Variants in ADAMTS12 observed in about 807,000 individuals in gnomAD.
ADAMTS12 encodes ADAM metallopeptidase with thrombospondin type 1 motif 12.
In ADAMTS12, 118 loss-of-function variants were observed where a neutral mutation model predicts 167.8. The observed-to-expected ratio is 0.70, with a 90% CI of 0.61 to 0.82. ADAMTS12 has a LOEUF of 0.82. Ranked by LOEUF, ADAMTS12 falls within the 40% of genes least tolerant of loss-of-function variation. ADAMTS12 has a pLI of 0.00. For synonymous variants in ADAMTS12, 704 were observed against 716.9 expected (o/e 0.98, Z 0.29); for missense variants, 1,916 against 1,998.8 (o/e 0.96, Z 0.79).
At chr5:33,614,003 A>C (rs1228115981) in intron 16 of ADAMTS12, among the ~76,000 whole-genome samples, 2 of 152,166 alleles carry the variant, frequency 1.3e-5, no homozygotes, top group African/African-American at 2.4e-5. Context: ...TTTACTGAAA[A>C]CTTTTATCAA....
rs562979029 is a variant in ADAMTS12 at position 33,824,571 on chromosome 5, C to T, written c.489+56548G>A. On this transcript the variant is annotated intron_variant, in intron 2 of 23. Transcript: ENST00000504830. ...CTCTAAGTCACTGTCTTCATCCAGA[C>T]CAGGAGTGTAAAGCAAAAAAGAGAG... Among the ~76,000 whole-genome samples the T allele has an allele frequency of 2.6e-5, 4 of 152,212 alleles. No homozygotes were observed. The South Asian group carries it at 8.3e-4, about 32-fold the overall frequency.
At chr5:33,558,416 T>C (rs1745581263) in intron 20 of ADAMTS12, among the ~76,000 whole-genome samples, 1 of 152,190 alleles carries the variant, frequency 6.6e-6, no homozygotes, top group East Asian at 1.9e-4. Context: ...TCATTCTAGC[T>C]GAATTTGATG....
At chr5:33,788,934 C>T (rs951638529) in intron 2 of ADAMTS12, among the ~76,000 whole-genome samples, 10 of 152,314 alleles carry the variant, frequency 6.6e-5, no homozygotes, top group African/African-American at 2.4e-4. Flanking sequence ...AATTTTTCCA[C>T]AGTGCTCAGC....
chr5:33,848,317 C>T (rs1749023910), intron 2 of ADAMTS12, among the ~76,000 whole-genome samples: 1 of 151,946 alleles, frequency 6.6e-6, no homozygotes, highest in Non-Finnish European at 1.5e-5. Flanking sequence ...GAATCCAGAA[C>T]CTGAAGTGCC....
chr5:33,821,187 T>A (rs1236198990), intron 2 of ADAMTS12, among the ~76,000 whole-genome samples: 1 of 152,218 alleles, frequency 6.6e-6, no homozygotes, highest in Non-Finnish European at 1.5e-5. Context: ...TGACCATTAA[T>A]GACATTCTTA....
intron 2 of ADAMTS12, among the ~76,000 whole-genome samples, chr5:33,796,426 T>G (rs1180986690): frequency 1.3e-5 from 2 of 152,244 alleles, no homozygotes; most frequent in Admixed American, 6.5e-5. Context: ...ACACATTTAT[T>G]TCTTCATACA....
At chr5:33,652,214 AG>A (rs1740888498) in intron 7 of ADAMTS12, among the ~76,000 whole-genome samples, 1 of 152,164 alleles carries the variant, frequency 6.6e-6, no homozygotes, top group African/African-American at 2.4e-5. Context: ...TGTTTCCCAT[AG>A]AGTTTGTGCT....
intron 2 of ADAMTS12, among the ~76,000 whole-genome samples, chr5:33,804,406 A>T (rs1166984330): frequency 6.6e-6 from 1 of 152,214 alleles, no homozygotes; most frequent in Non-Finnish European, 1.5e-5. Flanking sequence ...CAGAAGGAAC[A>T]TACAGAGAGC....
intron 2 of ADAMTS12, among the ~76,000 whole-genome samples, chr5:33,861,744 T>C (rs1348380982): frequency 2.6e-5 from 4 of 152,058 alleles, no homozygotes; most frequent in African/African-American, 9.7e-5. Context: ...AGCACCATAT[T>C]GCACTTATTC....
chr5:33,891,366 T>TA (rs371359345), intron 1 of ADAMTS12, among the ~76,000 whole-genome samples: 12 of 148,560 alleles, frequency 8.1e-5, no homozygotes, highest in South Asian at 6.7e-4. Context: ...AGTTAGCACT[T>TA]AAAAAAAAAA....
At chr5:33,878,310 C>G (rs1036954624) in intron 2 of ADAMTS12, among the ~76,000 whole-genome samples, 1 of 152,082 alleles carries the variant, frequency 6.6e-6, no homozygotes, top group African/African-American at 2.4e-5. Context: ...CATTAAACAT[C>G]CAATTTTGTG....
chr5:33,831,741 C>CT, intron 2 of ADAMTS12, among the ~76,000 whole-genome samples: 1 of 152,112 alleles, frequency 6.6e-6, no homozygotes, highest in Non-Finnish European at 1.5e-5. Context: ...ATTCTGGCTG[C>CT]TTTTTTATGA....
intron 18 of ADAMTS12, among the ~76,000 whole-genome samples, chr5:33,577,403 G>T (rs1742755475): frequency 1.3e-5 from 2 of 152,224 alleles, no homozygotes; most frequent in African/African-American, 4.8e-5. Flanking sequence ...CCATGATGTA[G>T]TCAAACTGCA....
chr5:33,878,603 A>G (rs1750314435), intron 2 of ADAMTS12, among the ~76,000 whole-genome samples: 1 of 152,222 alleles, frequency 6.6e-6, no homozygotes, highest in African/African-American at 2.4e-5. Context: ...AGCAATTTAC[A>G]GCAGTGGTTG....
At chr5:33,548,755 G>A (rs1745106151) in intron 21 of ADAMTS12, among the ~76,000 whole-genome samples, 1 of 151,856 alleles carries the variant, frequency 6.6e-6, no homozygotes, top group South Asian at 2.1e-4. Context: ...TGATCTGAGA[G>A]CTGTAAGAGA....
chr5:33,846,391 C>T (rs1481444911), intron 2 of ADAMTS12, among the ~76,000 whole-genome samples: 1 of 152,200 alleles, frequency 6.6e-6, no homozygotes, highest in African/African-American at 2.4e-5. Context: ...GTTCTCTAAC[C>T]TGAAAATAAA....
chr5:33,560,405 A>T (rs960509142), intron 20 of ADAMTS12, among the ~76,000 whole-genome samples: 1 of 152,240 alleles, frequency 6.6e-6, no homozygotes, highest in Admixed American at 6.5e-5. Flanking sequence ...CGTTTGACCC[A>T]GCCATCCCAT....
intron 5 of ADAMTS12, among the ~76,000 whole-genome samples, chr5:33,679,266 C>T (rs1300521498): frequency 2.0e-5 from 3 of 152,220 alleles, no homozygotes; most frequent in African/African-American, 7.2e-5. Flanking sequence ...GTCCCTCCAC[C>T]TGGAATTTCC....
At chr5:33,547,207 TA>T (rs1219526150) in intron 21 of ADAMTS12, among the ~76,000 whole-genome samples, 3 of 152,164 alleles carry the variant, frequency 2.0e-5, no homozygotes, top group African/African-American at 7.2e-5. Flanking sequence ...CCTGCCTAAG[TA>T]ATTTCCAGGA....
Sources: gnomAD v4.1 joint callset for allele counts (sites outside exome capture counted in the v4.1 genomes callset) on GRCh38, gnomAD v4.1.1 for gene constraint, MANE v1.5 for transcripts, NCBI Gene and HGNC (gene_info 2026-07-23, HGNC 2026-07-21) for gene names.